The following C19orf12 variants were observed in gnomAD, a reference collection of about 807,000 sequenced individuals.
C19orf12 encodes the protein protein C19orf12.
C19orf12 carries 2 observed loss-of-function variants against 3.8 expected under a neutral mutation model. The observed-to-expected ratio is 0.53, with a 90% confidence interval of 0.22 to 1.66. The LOEUF (loss-of-function observed/expected upper bound fraction) is 1.66, where lower values mean the gene tolerates loss of function less well. Among genes scored for constraint, C19orf12 ranks in the 40% most tolerant of loss-of-function variants. The pLI, the probability that C19orf12 is intolerant of heterozygous loss-of-function variation, is 0.20. For synonymous variants in C19orf12, 89 were observed against 84.6 expected (o/e 1.05, Z -0.28); for missense variants, 156 against 188.8 (o/e 0.83, Z 1.02).
At chr19:29,705,045 A>C (rs1040099111) in intron 2 of C19orf12, among the ~76,000 whole-genome samples, 1 of 152,242 alleles carries the variant, frequency 6.6e-6, no homozygotes, top group African/African-American at 2.4e-5. Context: ...CAGAGTATGG[A>C]AAGGGAAACA....
chr19:29,706,984 C>T (rs1972412684), intron 2 of C19orf12, among the ~76,000 whole-genome samples: 1 of 152,230 alleles, frequency 6.6e-6, no homozygotes, highest in Admixed American at 6.5e-5. Flanking sequence ...AAGAAAGTAA[C>T]TTCATCCCAG....
intron 2 of C19orf12, among the ~76,000 whole-genome samples, chr19:29,703,314 G>A (rs190613774): frequency 1.7e-3 from 253 of 151,518 alleles, no homozygotes; most frequent in African/African-American, 5.8e-3. Context: ...TGGGCTTACT[G>A]TAAAAATCCC....
rs886054320 is a variant in C19orf12, at chr19:29,702,404, G to C, written c.*308C>G. On this transcript the variant is annotated 3_prime_UTR_variant, in exon 3 of 3. Coordinates refer to ENST00000323670, the MANE Select transcript of C19orf12 (RefSeq NM_031448.6). ...CGTGATCACTTCCCCAGACCCATGC[G>C]GGTGAGAGGACTCAGCAGACGCCTC... The C allele has an allele frequency of 5.9e-5, 34 of 578,084 alleles. No individual in the cohort carries two copies. The highest frequency in any genetic ancestry group is 1.0e-4 in the Non-Finnish European group (31 of 307,292). The allele number at this position is 578,084 out of a possible 1,614,324, so 35.8% of individuals were successfully genotyped here. A position where few individuals can be genotyped will look rare whatever the true frequency, so the allele number is the denominator to read the frequency against.
intron 1 of C19orf12, among the ~76,000 whole-genome samples, chr19:29,710,953 C>A (rs1325051846): frequency 6.6e-6 from 1 of 151,486 alleles, no homozygotes; most frequent in Non-Finnish European, 1.5e-5. Context: ...AGCGCAGAAC[C>A]TGATTTATCC....
chr19:29,703,806 C>T (rs576333152), intron 2 of C19orf12, among the ~76,000 whole-genome samples: 7 of 152,168 alleles, frequency 4.6e-5, no homozygotes, highest in African/African-American at 1.7e-4. Flanking sequence ...GCCTGGCCGA[C>T]ATGGTGAAAC....
At position 29,702,268 on chromosome 19, in the gene C19orf12, C is replaced by G. The variant is rs1316099184; in HGVS notation, c.*444G>C. 1 of 456,824 alleles carries G rather than the reference C, an allele frequency of 2.2e-6. No individual in the cohort carries two copies. The highest frequency in any genetic ancestry group is 4.4e-6 in the Non-Finnish European group (1 of 228,832). 28.3% of individuals were successfully genotyped at this position (456,824 alleles called of 1,614,324 possible). On this transcript the variant is annotated 3_prime_UTR_variant, in exon 3 of 3. Coordinates refer to ENST00000323670, the MANE Select transcript of C19orf12 (RefSeq NM_031448.6). ...GCTCCAAGGCCCTGAGACCCCAGGA[C>G]CTGCAGGGGGGTGGGATCCAGTCCT... is the stretch of plus-strand genomic sequence containing the variant.
intron 1 of C19orf12, among the ~76,000 whole-genome samples, chr19:29,714,601 A>G (rs1419211110): frequency 6.6e-6 from 1 of 152,004 alleles, no homozygotes; most frequent in Non-Finnish European, 1.5e-5. Flanking sequence ...TTCTTCCCAT[A>G]TGGCTCAGCC....
chr19:29,702,348 A>C lies in C19orf12; in HGVS notation c.*364T>G. The C allele has an allele frequency of 2.0e-6, 1 of 490,054 alleles. No individual in the cohort carries two copies. Among genetic ancestry groups the C allele is most frequent in the South Asian group, 1.5e-5 (1 of 64,784 alleles). The allele number at this position is 490,054 out of a possible 1,614,324, so 30.4% of individuals were successfully genotyped here. A position where few individuals can be genotyped will look rare whatever the true frequency, so the allele number is the denominator to read the frequency against. ...CCCAAGATGAGAAGGCCCCGGGGGG[A>C]GGATGAAGTGTGGTCAGACCGTCGG... On this transcript the variant is annotated 3_prime_UTR_variant, in exon 3 of 3. Transcript: ENST00000323670.
chr19:29,703,116 C>G, intron 2 of C19orf12, 139 bp from the exon 3 acceptor site: 4 of 1,085,192 alleles, frequency 3.7e-6, no homozygotes, highest in Admixed American at 3.9e-5. Flanking sequence ...GCCGGTGCCA[C>G]GCCTGCTCCG....
chr19:29,703,934 G>A (rs1972247045), intron 2 of C19orf12, among the ~76,000 whole-genome samples: 2 of 152,038 alleles, frequency 1.3e-5, no homozygotes, highest in Non-Finnish European at 2.9e-5. Context: ...AGGTTGCAGT[G>A]AGCCGAGATC....
intron 1 of C19orf12, among the ~76,000 whole-genome samples, chr19:29,709,296 G>C (rs1972545163): frequency 6.6e-6 from 1 of 152,206 alleles, no homozygotes; most frequent in South Asian, 2.1e-4. Flanking sequence ...GGGAAAATGT[G>C]TGGCATGCTG....
intron 2 of C19orf12, among the ~76,000 whole-genome samples, chr19:29,707,966 G>A (rs929844377): frequency 2.0e-5 from 3 of 151,556 alleles, no homozygotes; most frequent in Non-Finnish European, 4.4e-5. Context: ...TTGCCTCCCG[G>A]GTTTAAGCGA....
rs1025693090 is a variant in C19orf12, at chr19:29,715,043, C to T, written c.-11+82G>A. The T allele has an allele frequency of 4.4e-6, 3 of 685,572 alleles. No homozygotes were observed. The African/African-American group carries it at 5.4e-5, about 12-fold the overall frequency. The allele number at this position is 685,572 out of a possible 1,614,324, so 42.5% of individuals were successfully genotyped here. ...TCTCCCCAAGGCACTCCCGGGTCTCCAGGCCTGCTCTTGGGGTGCCCCCTC... is the reference window on the plus strand; with the variant it reads ...TCTCCCCAAGGCACTCCCGGGTCTCTAGGCCTGCTCTTGGGGTGCCCCCTC... On this transcript the variant is annotated intron_variant, in intron 1 of 2. Transcript: ENST00000323670.
intron 2 of C19orf12, chr19:29,705,338 C>A: frequency 2.3e-6 from 1 of 444,162 alleles, no homozygotes; most frequent in Non-Finnish European, 4.5e-6. Context: ...GTGTTAAAGG[C>A]CAGAGGAGAC....
intron 1 of C19orf12, among the ~76,000 whole-genome samples, chr19:29,713,359 A>T (rs1277515963): frequency 6.6e-6 from 1 of 152,234 alleles, no homozygotes; most frequent in Admixed American, 6.5e-5. Context: ...GCAAATGCCA[A>T]CTGGAAGCCC....
At position 29,708,266 on chromosome 19, in the gene C19orf12, C is replaced by G; in HGVS notation, c.148G>C (p.Gly50Arg). The G allele has an allele frequency of 6.2e-7, 1 of 1,612,150 alleles. No individual in the cohort carries two copies. Among genetic ancestry groups the G allele is most frequent in the East Asian group, 2.2e-5 (1 of 44,868 alleles). Residue 50 changes from glycine to arginine, a missense_variant, in exon 2 of 3, where the codon GGA (glycine) becomes CGA (arginine). Gly to Arg is a moderately radical substitution (Grantham distance 125). Coordinates refer to ENST00000323670, the MANE Select transcript of C19orf12 (RefSeq NM_031448.6). Reference sequence around the variant, plus strand: ...CACCTGCACTTACCAACGGCGAGTCCCGGTGGGCCGCCCACCAAACCCCCG... The same window carrying G: ...CACCTGCACTTACCAACGGCGAGTCGCGGTGGGCCGCCCACCAAACCCCCG... ...FVGGLVGGPP[G>R]LAVGGAVGGL...
At position 29,701,507 on chromosome 19, in the gene C19orf12, T is replaced by G; in HGVS notation, c.*1205A>C. The G allele has an allele frequency of 2.2e-6, 1 of 454,164 alleles. No individual in the cohort carries two copies. The highest frequency in any genetic ancestry group is 4.4e-6 in the Non-Finnish European group (1 of 226,802). 28.1% of individuals were successfully genotyped at this position (454,164 alleles called of 1,614,324 possible). Reference sequence around the variant, plus strand: ...GTACGTGTTCAGTACCAATGCAATTTCTTTTTTCAAATATTTCCTATCCAA... The same window carrying G: ...GTACGTGTTCAGTACCAATGCAATTGCTTTTTTCAAATATTTCCTATCCAA... On this transcript the variant is annotated 3_prime_UTR_variant, in exon 3 of 3. Coordinates refer to ENST00000323670, the MANE Select transcript of C19orf12 (RefSeq NM_031448.6).
intron 2 of C19orf12, among the ~76,000 whole-genome samples, chr19:29,707,871 C>CT (rs199544563): frequency 0.021 from 3,057 of 143,234 alleles, 85 homozygotes; most frequent in African/African-American, 0.068. Context: ...TTTCTTTTTC[C>CT]TTTTTTTTTT....
rs1421507383 is a variant in C19orf12 at position 29,702,186 on chromosome 19, C to T, written c.*526G>A. On this transcript the variant is annotated 3_prime_UTR_variant, in exon 3 of 3. Coordinates refer to ENST00000323670, the MANE Select transcript of C19orf12 (RefSeq NM_031448.6). ...CCGTCCCCTCCGTGGGGCCATTCGA[C>T]AGTCCCTGGGTAGGGGACGGTTGCA... 1 of 454,168 alleles carries T rather than the reference C, an allele frequency of 2.2e-6. No homozygotes were observed. Among genetic ancestry groups the T allele is most frequent in the South Asian group, 1.6e-5 (1 of 64,480 alleles). The allele number at this position is 454,168 out of a possible 1,614,324, so 28.1% of individuals were successfully genotyped here.
Sources: allele counts gnomAD v4.1 joint callset (sites outside exome capture counted in the v4.1 genomes callset), GRCh38; gene constraint gnomAD v4.1.1; transcripts MANE v1.5; gene names NCBI Gene and HGNC (gene_info 2026-07-23, HGNC 2026-07-21).